MAU2: variants seen among roughly 807,000 people sequenced by gnomAD.
MAU2 encodes the protein MAU2 sister chromatid cohesion factor.
In MAU2, 9 loss-of-function variants were observed where a neutral mutation model predicts 89.1. The observed-to-expected ratio is 0.10, with a 90% CI of 0.06 to 0.18. The LOEUF (loss-of-function observed/expected upper bound fraction) is 0.18. Ranked by LOEUF, MAU2 falls within the 10% of genes least tolerant of loss-of-function variation. The probability of loss-of-function intolerance (pLI) is 1.00; values close to 1 mark genes in which losing one functional copy is unlikely to be tolerated. For missense variants in MAU2, 425 were observed against 803.5 expected, an observed-to-expected ratio of 0.53 and a Z score of 5.69; for synonymous variants, 357 against 343.4, an observed-to-expected ratio of 1.04 and a Z score of -0.44.
chr19:19,332,491 A>G (rs192615289), intron 1 of MAU2, among the ~76,000 whole-genome samples: 1 of 152,078 alleles, frequency 6.6e-6, no homozygotes, highest in East Asian at 1.9e-4. Context: ...CTAGGATGTA[A>G]TTTCTCCAGT....
At position 19,357,615 on chromosome 19, in the gene MAU2, A is replaced by G. The variant is rs2048194867; in HGVS notation, c.*1833A>G. 6.6e-6 allele frequency: 1 copy of G among 152,412 alleles called. No individual in the cohort carries two copies. Among genetic ancestry groups the G allele is most frequent in the Non-Finnish European group, 1.5e-5 (1 of 68,028 alleles). The allele number at this position is 152,412 out of a possible 1,614,324, so 9.4% of individuals were successfully genotyped here. On this transcript the variant is annotated 3_prime_UTR_variant, in exon 19 of 19. Transcript: ENST00000262815. ...TTTCTTTGCTTGTAGGGCATTTTGTATGTAGAGCAGTTGAAAACAGAACCT... is the reference window on the plus strand; with the variant it reads ...TTTCTTTGCTTGTAGGGCATTTTGTGTGTAGAGCAGTTGAAAACAGAACCT...
chr19:19,340,512 G>C (rs1028695264), intron 5 of MAU2, among the ~76,000 whole-genome samples: 9 of 151,694 alleles, frequency 5.9e-5, no homozygotes, highest in African/African-American at 2.2e-4. Context: ...GGTGGCGGGC[G>C]CCTGTAGTCC....
intron 16 of MAU2, chr19:19,353,226 G>A (rs1800969466): frequency 1.3e-5 from 2 of 152,246 alleles, no homozygotes; most frequent in Admixed American, 1.3e-4. Flanking sequence ...GGTACCCCAA[G>A]CTGGCATTGG....
At chr19:19,350,975 A>G (rs1252809869) in intron 16 of MAU2, among the ~76,000 whole-genome samples, 1 of 151,130 alleles carries the variant, frequency 6.6e-6, no homozygotes, top group Admixed American at 6.6e-5. Flanking sequence ...TGGATGGGGG[A>G]GAATCCCTTG....
chr19:19,328,905 G>A (rs1240368117), intron 1 of MAU2, among the ~76,000 whole-genome samples: 4 of 152,048 alleles, frequency 2.6e-5, no homozygotes, highest in Admixed American at 2.6e-4. Flanking sequence ...TTCTGACTGC[G>A]TATGCCATGC....
chr19:19,336,809 G>A (rs2061600118), intron 3 of MAU2, among the ~76,000 whole-genome samples: 1 of 152,240 alleles, frequency 6.6e-6, no homozygotes, highest in Non-Finnish European at 1.5e-5. Context: ...TGACGGGTAA[G>A]GTGGCATTGG....
rs749913428 is a variant in MAU2, at chr19:19,320,880, A to AGCGGCCCAGGCGGCG, written c.33_47dup (p.Ala13_Ala17dup). 4.3e-4 allele frequency: 656 copies of AGCGGCCCAGGCGGCG among 1,515,978 alleles called. No homozygotes were observed. Among genetic ancestry groups the AGCGGCCCAGGCGGCG allele is most frequent in the East Asian group, 6.3e-4 (25 of 39,580 alleles). 93.9% of individuals were successfully genotyped at this position (1,515,978 alleles called of 1,614,324 possible). Reference sequence around the variant, plus strand: ...CCAAAATGGCGGCTCAGGCGGCGGCAGCGGCCCAGGCGGCGGCGGCCCAGG... The same window carrying AGCGGCCCAGGCGGCG: ...CCAAAATGGCGGCTCAGGCGGCGGCAGCGGCCCAGGCGGCGGCGGCCCAGGCGGCGGCGGCCCAGG... On this transcript the variant is annotated inframe_insertion, in exon 1 of 19. Coordinates refer to ENST00000262815, the MANE Select transcript of MAU2 (RefSeq NM_015329.4).
chr19:19,341,607 C>T (rs1182153864), intron 7 of MAU2, among the ~76,000 whole-genome samples, 200 bp downstream of exon 7: 2 of 152,232 alleles, frequency 1.3e-5, no homozygotes, highest in Admixed American at 6.5e-5. Context: ...AGGGTCTGTC[C>T]TGGCCACCCC....
rs1309706131 is a variant in MAU2 at position 19,327,518 on chromosome 19, G to A, written c.276+6383G>A. On this transcript the variant is annotated intron_variant, in intron 1 of 18. Transcript: ENST00000262815. ...TTTTTTATATTTTTAGTAGAGACGG[G>A]GTTTCACCGTGTTAGCCAGGATGGT... 2.6e-5 allele frequency among the ~76,000 whole-genome samples: 4 copies of A among 152,020 alleles called. No individual in the cohort carries two copies. The East Asian group carries it at 7.7e-4, about 29-fold the overall frequency.
intron 1 of MAU2, among the ~76,000 whole-genome samples, chr19:19,326,875 G>A (rs1271501435): frequency 6.7e-6 from 1 of 150,144 alleles, no homozygotes; most frequent in African/African-American, 2.4e-5. Context: ...CTGGACAACA[G>A]ACCGAGACCC....
chr19:19,322,139 A>G (rs893476031), intron 1 of MAU2, among the ~76,000 whole-genome samples: 7 of 151,866 alleles, frequency 4.6e-5, no homozygotes, highest in Non-Finnish European at 1.0e-4. Context: ...CTGAGACTAC[A>G]GGCGCCCGCC....
intron 13 of MAU2, 64 bp downstream of exon 13, chr19:19,347,430 G>A (rs1173544483): frequency 1.5e-6 from 2 of 1,304,834 alleles, no homozygotes; most frequent in Admixed American, 1.7e-5. Flanking sequence ...GGGAACCAGG[G>A]GGTTGTCCTG....
intron 2 of MAU2, among the ~76,000 whole-genome samples, 163 bp from the exon 3 acceptor site, chr19:19,335,959 A>C (rs2061593177): frequency 6.6e-6 from 1 of 152,126 alleles, no homozygotes. Context: ...CCTGCCCTGC[A>C]GCAAGCTCAA....
At chr19:19,342,169 G>C (rs1178098377) in intron 7 of MAU2, among the ~76,000 whole-genome samples, 1 of 152,146 alleles carries the variant, frequency 6.6e-6, no homozygotes, top group Non-Finnish European at 1.5e-5. Flanking sequence ...TGATTCCTGG[G>C]CCAGGAAGCC....
At chr19:19,336,031 C>A in intron 2 of MAU2, 91 bp from the exon 3 acceptor site, 1 of 917,700 alleles carries the variant, frequency 1.1e-6, no homozygotes, top group South Asian at 1.4e-5. Flanking sequence ...GTGTGCCCTG[C>A]AGACCTTGGC....
At chr19:19,336,419 C>A (rs532400043) in intron 3 of MAU2, among the ~76,000 whole-genome samples, 2 of 151,806 alleles carry the variant, frequency 1.3e-5, no homozygotes, top group Admixed American at 6.6e-5. Context: ...CCCACCTCAG[C>A]CTCCCGAGCA....
intron 13 of MAU2, 25 bp downstream of exon 13, chr19:19,347,391 T>C: frequency 6.4e-7 from 1 of 1,564,036 alleles, no homozygotes. Flanking sequence ...TCATGTTCGG[T>C]ATCCTTTCTC....
chr19:19,332,141 A>T (rs2061559966), intron 1 of MAU2, among the ~76,000 whole-genome samples: 1 of 152,118 alleles, frequency 6.6e-6, no homozygotes, highest in Non-Finnish European at 1.5e-5. Flanking sequence ...TTGCAGCCAC[A>T]ACTTTAAAGT....
intron 1 of MAU2, among the ~76,000 whole-genome samples, chr19:19,328,495 C>T (rs900385297): frequency 2.6e-5 from 4 of 151,252 alleles, no homozygotes; most frequent in Non-Finnish European, 4.4e-5. Flanking sequence ...GATCTCGGCT[C>T]CCTGCAAGCT....
Sources: allele counts gnomAD v4.1 joint callset (sites outside exome capture counted in the v4.1 genomes callset), GRCh38; gene constraint gnomAD v4.1.1; transcripts MANE v1.5; gene names NCBI Gene and HGNC (gene_info 2026-07-23, HGNC 2026-07-21).